Variants in DLGAP1 observed in about 807,000 individuals in gnomAD.
DLGAP1 encodes DLG associated protein 1, also known as disks large-associated protein 1.
Under a neutral mutation model 90.8 loss-of-function variants are expected in DLGAP1, and 11 were observed. The observed-to-expected ratio is 0.12, with a 90% CI of 0.08 to 0.20. The LOEUF is 0.20. DLGAP1 is among the 10% of genes least tolerant of loss of function. The pLI is 1.00. For synonymous variants in DLGAP1, 558 were observed against 540.7 expected (o/e 1.03, Z -0.44); for missense variants, 1,050 against 1,333.8 (o/e 0.79, Z 3.31).
chr18:3,742,626 AGATG>A (rs2063103663), intron 5 of DLGAP1, 114 bp from the exon 6 acceptor site: 1 of 1,242,188 alleles, frequency 8.1e-7, no homozygotes, highest in African/African-American at 1.5e-5. Flanking sequence ...CAAATGACAT[AGATG>A]CCCTTCTGTG....
At chr18:3,672,842 A>G (rs1344168857) in intron 7 of DLGAP1, among the ~76,000 whole-genome samples, 1 of 151,910 alleles carries the variant, frequency 6.6e-6, no homozygotes, top group African/African-American at 2.4e-5. Context: ...CTGTAGTTCT[A>G]CTTTCTCCCT....
intron 1 of DLGAP1, among the ~76,000 whole-genome samples, chr18:4,338,894 C>A (rs17660772): frequency 0.14 from 21,293 of 152,062 alleles, 1,784 homozygotes; most frequent in South Asian, 0.22. Flanking sequence ...AGCGGACCTT[C>A]AAAAATACGT....
intron 7 of DLGAP1, chr18:3,656,158 C>T (rs1184347227): frequency 1.6e-5 from 24 of 1,524,298 alleles, no homozygotes; most frequent in African/African-American, 4.2e-5. Flanking sequence ...GGACCCAAAT[C>T]GCCTTTTCCA....
chr18:3,814,167 T>A lies in DLGAP1; in HGVS notation c.1064A>T (p.Asp355Val). The change falls in exon 5 of 13, where the codon GAC becomes GTC. Residue 355 changes from aspartate (D) to valine (V), a missense_variant. Around this residue, in one of 2 missense-constraint regions of DLGAP1, gnomAD observed 565 missense variants for 879.7 expected, o/e 0.64. Transcript: ENST00000315677. ...GSYIKAMGDE[D>V]SGDSDTSPKP... ...AGGACTCGTGTCTGAGTCTCCACTG[T>A]CTTCATCCCCCATGGCCTTGATATA... 1 of 1,614,118 alleles carries A rather than the reference T, an allele frequency of 6.2e-7. No individual in the cohort carries two copies. Among genetic ancestry groups the A allele is most frequent in the East Asian group, 2.2e-5 (1 of 44,860 alleles).
In DLGAP1 at chr18:3,775,854, G is replaced by T. The variant is rs9959008; in HGVS notation, c.1173-33342C>A. On this transcript the variant is annotated intron_variant, in intron 5 of 12. Coordinates refer to ENST00000315677, the MANE Select transcript of DLGAP1 (RefSeq NM_004746.4). The surrounding 1 kb of genome is among the most constrained non-coding windows in gnomAD (Gnocchi z 4.9). Reference sequence around the variant, plus strand: ...TGCTACCTTCTTTCCCCTTCCCAGAGATAAACAACCCTGGCTTCTGATACC... The same window carrying T: ...TGCTACCTTCTTTCCCCTTCCCAGATATAAACAACCCTGGCTTCTGATACC... 0.15 allele frequency among the ~76,000 whole-genome samples: 22,200 copies of T among 152,086 alleles called. 1,722 individuals are homozygous for T. Among genetic ancestry groups the T allele is most frequent in the African/African-American group, 0.16 (6,792 of 41,464 alleles).
At chr18:4,261,792 C>T (rs2079008440) in intron 1 of DLGAP1, among the ~76,000 whole-genome samples, 1 of 152,066 alleles carries the variant, frequency 6.6e-6, no homozygotes, top group Admixed American at 6.6e-5. Flanking sequence ...AATGAACTTC[C>T]TTAATCACAA....
At chr18:3,523,610 G>T (rs1451395474) in intron 10 of DLGAP1, among the ~76,000 whole-genome samples, 1 of 152,034 alleles carries the variant, frequency 6.6e-6, no homozygotes, top group African/African-American at 2.4e-5. Context: ...CACTTTGGGA[G>T]GCCAAGGAGG....
intron 12 of DLGAP1, among the ~76,000 whole-genome samples, chr18:3,501,232 A>T (rs374394561): frequency 5.4e-4 from 3 of 5,596 alleles, no homozygotes; most frequent in Non-Finnish European, 1.0e-3. Flanking sequence ...ATGATTATTT[A>T]AAAAAAAAAA....
At position 4,395,168 on chromosome 18, in the gene DLGAP1, G is replaced by A. The variant is rs541907133; in HGVS notation, c.-267+59838C>T. ...CAAGTTGTAAAAGAAATAGCACATT[G>A]CATTGGGAATTCTTTACCTAAGTTC... is the stretch of plus-strand genomic sequence containing the variant. On this transcript the variant is annotated intron_variant, in intron 1 of 12. Transcript: ENST00000315677. Among the ~76,000 whole-genome samples the A allele has an allele frequency of 2.1e-3, 317 of 152,288 alleles. 3 individuals carry two copies. Among genetic ancestry groups the A allele is most frequent in the Middle Eastern group, 6.8e-3 (2 of 294 alleles).
chr18:3,684,814 G>A lies in DLGAP1; in HGVS notation c.1591+44321C>T, dbSNP rs769159240. Reference sequence around the variant, plus strand: ...CTTAGACCACACCTGTATGTAAAAGGTCATCATTAGCCATCAACATTGCAA... The same window carrying A: ...CTTAGACCACACCTGTATGTAAAAGATCATCATTAGCCATCAACATTGCAA... On this transcript the variant is annotated intron_variant, in intron 7 of 12. Transcript: ENST00000315677. 4.3e-4 allele frequency among the ~76,000 whole-genome samples: 66 copies of A among 152,274 alleles called. 1 individual carries two copies. The highest frequency in any genetic ancestry group is 1.2e-3 in the Admixed American group (19 of 15,302).
chr18:4,327,848 GT>G (rs1251239916), intron 1 of DLGAP1, among the ~76,000 whole-genome samples: 6 of 151,874 alleles, frequency 4.0e-5, no homozygotes, highest in Admixed American at 3.3e-4. Context: ...CAATGTTTGT[GT>G]TTTGCTTTGA....
At chr18:4,197,266 A>C (rs1053321734) in intron 1 of DLGAP1, among the ~76,000 whole-genome samples, 3 of 151,990 alleles carry the variant, frequency 2.0e-5, no homozygotes, top group Non-Finnish European at 4.4e-5. Flanking sequence ...AATGAGAACT[A>C]TTCAAATATA....
At chr18:3,811,507 G>T (rs2066841109) in intron 5 of DLGAP1, among the ~76,000 whole-genome samples, 1 of 152,124 alleles carries the variant, frequency 6.6e-6, no homozygotes, top group Non-Finnish European at 1.5e-5. Flanking sequence ...TAAGTAAAAT[G>T]TTTTCAATTT....
chr18:3,684,146 T>C (rs424439), intron 7 of DLGAP1, among the ~76,000 whole-genome samples: 61,437 of 150,668 alleles, frequency 0.41, 13,043 homozygotes, highest in African/African-American at 0.53. Flanking sequence ...GTACCATATA[T>C]TTATAATATG....
intron 3 of DLGAP1, among the ~76,000 whole-genome samples, chr18:3,990,745 TC>T (rs1456580092): frequency 6.6e-6 from 1 of 151,708 alleles, no homozygotes; most frequent in Non-Finnish European, 1.5e-5. Flanking sequence ...TAAATACTCC[TC>T]CTTTCTCACA....
At chr18:3,985,318 C>T (rs2073820083) in intron 3 of DLGAP1, among the ~76,000 whole-genome samples, 1 of 152,120 alleles carries the variant, frequency 6.6e-6, no homozygotes, top group Non-Finnish European at 1.5e-5. Flanking sequence ...GACTCAAATG[C>T]TCCAGGCCTG....
chr18:4,405,183 G>A (rs1302176714), intron 1 of DLGAP1, among the ~76,000 whole-genome samples: 1 of 152,156 alleles, frequency 6.6e-6, no homozygotes, highest in African/African-American at 2.4e-5. Context: ...TCAAAATTGG[G>A]TTTACATCAG....
At chr18:4,120,790 C>G (rs1448062549) in intron 2 of DLGAP1, among the ~76,000 whole-genome samples, 1 of 145,310 alleles carries the variant, frequency 6.9e-6, no homozygotes, top group African/African-American at 2.8e-5. Flanking sequence ...CTCTCCCTCT[C>G]CCTCCCTCCT....
In DLGAP1 at chr18:3,879,846, A is replaced by G; in HGVS notation, c.223T>C (p.Tyr75His). 1 of 1,609,950 alleles carries G rather than the reference A, an allele frequency of 6.2e-7. No individual in the cohort carries two copies. ...LASSTFPRRH[Y>H]TSQQELKDEC... is the part of the protein sequence containing the mutation. The stretch of plus-strand genomic sequence containing the variant: ...TCCTTCAGCTCTTGCTGCGAGGTGT[A>G]GTGCCTGCGGGGGAAGGTGCTGCTG... Residue 75 changes from tyrosine (Y) to histidine (H), a missense_variant, in exon 4 of 13, where the codon TAC (tyrosine) becomes CAC (histidine). Physicochemically the swap from Tyr to His is moderately conservative, Grantham distance 83. This residue lies in a region of DLGAP1 where 485 missense variants were observed against 454.1 expected (regional missense o/e 1.07). Transcript: ENST00000315677. This position sits in a 1 kb window ranked among gnomAD's most constrained non-coding sequence, Gnocchi z 6.6.
Sources: allele counts gnomAD v4.1 joint callset (sites outside exome capture counted in the v4.1 genomes callset), GRCh38; gene constraint gnomAD v4.1.1; regional missense constraint gnomAD v4.1.1; non-coding constraint Gnocchi (gnomAD v3.1); transcripts MANE v1.5; gene names NCBI Gene and HGNC (gene_info 2026-07-23, HGNC 2026-07-21).